Variants in PPP2R3A observed in about 807,000 individuals in gnomAD.
PPP2R3A encodes serine/threonine-protein phosphatase 2A regulatory subunit B'' subunit alpha.
In PPP2R3A, 80 loss-of-function variants were observed where a neutral mutation model predicts 106.9. The observed-to-expected ratio is 0.75, with a 90% CI of 0.62 to 0.90. The LOEUF (loss-of-function observed/expected upper bound fraction) is 0.90. Ranked by LOEUF, PPP2R3A falls within the 40% of genes least tolerant of loss-of-function variation. The pLI, the probability that PPP2R3A is intolerant of heterozygous loss-of-function variation, is 0.00. For synonymous variants in PPP2R3A, 483 were observed against 468.3 expected, an observed-to-expected ratio of 1.03 and a Z score of -0.41; for missense variants, 1,386 against 1,350.4, an observed-to-expected ratio of 1.03 and a Z score of -0.41.
rs945014879 is a variant in PPP2R3A at position 136,009,157 on chromosome 3, C to T, written c.1995+5664C>T. The stretch of plus-strand genomic sequence containing the variant: ...TTCCCTTCCTATTATAACTTAAACT[C>T]GTCTCTTCCTAAGGATACTGTAGCC... On this transcript the variant is annotated intron_variant, in intron 2 of 13. Transcript: ENST00000264977. 5.3e-5 allele frequency among the ~76,000 whole-genome samples: 8 copies of T among 152,116 alleles called. No homozygotes were observed. In the East Asian group the frequency reaches 5.8e-4, roughly 11 times the overall value.
intron 2 of PPP2R3A, among the ~76,000 whole-genome samples, chr3:136,007,214 A>G (rs1933878000): frequency 2.6e-5 from 4 of 152,264 alleles, no homozygotes; most frequent in Non-Finnish European, 5.9e-5. Flanking sequence ...CATCTGGGCT[A>G]CTAGCCTCTG....
At chr3:135,970,397 G>T (rs1158522606) in intron 1 of PPP2R3A, among the ~76,000 whole-genome samples, 1 of 152,124 alleles carries the variant, frequency 6.6e-6, no homozygotes, top group Non-Finnish European at 1.5e-5. Context: ...TATTTAACGG[G>T]CCATTTAAAG....
intron 4 of PPP2R3A, among the ~76,000 whole-genome samples, chr3:136,044,424 A>G (rs1935400258): frequency 6.6e-6 from 1 of 152,062 alleles, no homozygotes; most frequent in Middle Eastern, 3.2e-3. Context: ...AGTCTAGTGA[A>G]AGAGTTACAC....
chr3:136,128,737 A>G (rs1472437397), intron 13 of PPP2R3A, among the ~76,000 whole-genome samples: 1 of 152,166 alleles, frequency 6.6e-6, no homozygotes, highest in African/African-American at 2.4e-5. Context: ...ACCACATCAC[A>G]CTTATTCCAA....
chr3:135,969,377 C>G (rs1413040163), intron 1 of PPP2R3A, among the ~76,000 whole-genome samples: 1 of 152,098 alleles, frequency 6.6e-6, no homozygotes, highest in East Asian at 1.9e-4. Context: ...TGATATGGTA[C>G]AAGGGTTGAG....
intron 5 of PPP2R3A, among the ~76,000 whole-genome samples, chr3:136,064,451 C>G (rs1426529564): frequency 6.6e-6 from 1 of 151,774 alleles, no homozygotes; most frequent in African/African-American, 2.4e-5. Context: ...TGCATGGGTT[C>G]TATACTAATG....
chr3:135,995,660 A>T (rs1008190080), intron 1 of PPP2R3A, among the ~76,000 whole-genome samples: 2 of 151,764 alleles, frequency 1.3e-5, no homozygotes, highest in African/African-American at 4.8e-5. Flanking sequence ...TTTAGTAGAG[A>T]TGGGGTCTCA....
chr3:136,041,250 G>GTTTTTTTTTTTTTTTTTTTTTTTTTTTTT (rs1246326384), intron 4 of PPP2R3A, among the ~76,000 whole-genome samples: 3 of 56,566 alleles, frequency 5.3e-5, no homozygotes, highest in Non-Finnish European at 7.4e-5. Context: ...TTTTTTTTTT[G>GTTTTTTTTTTTTTTTTTTTTTTTTTTTTT]TTTTTTTTTT....
Position 136,118,452 on chromosome 3 carries a change from T to A in PPP2R3A, c.3329+12130T>A, listed in dbSNP as rs567097396. Among the ~76,000 whole-genome samples, 32 of 152,342 alleles carry A rather than the reference T, an allele frequency of 2.1e-4. No homozygotes were observed. The South Asian group carries it at 6.2e-3, about 30-fold the overall frequency. On this transcript the variant is annotated intron_variant, in intron 13 of 13. Transcript: ENST00000264977. ...AAGTCAAATTGTCCCTGTTTGCAGA[T>A]GACATGATTGTATATTTAGAAAACC...
intron 13 of PPP2R3A, among the ~76,000 whole-genome samples, chr3:136,116,522 C>T (rs1190044234): frequency 2.6e-5 from 4 of 152,118 alleles, no homozygotes; most frequent in African/African-American, 7.2e-5. Context: ...CACATATAGG[C>T]TCAAAAGTAA....
chr3:135,966,073 C>T (rs879405871), intron 1 of PPP2R3A, among the ~76,000 whole-genome samples: 80 of 152,066 alleles, frequency 5.3e-4, no homozygotes, highest in Non-Finnish European at 9.3e-4. Context: ...CTCGGCGCGG[C>T]CGGCCGGTCC....
chr3:136,024,563 G>C (rs1446503210), intron 2 of PPP2R3A, among the ~76,000 whole-genome samples: 2 of 152,130 alleles, frequency 1.3e-5, no homozygotes, highest in South Asian at 4.1e-4. Context: ...GGCAGCCAGT[G>C]TTCTGAATAT....
chr3:136,080,019 C>A (rs1936730022), intron 7 of PPP2R3A, among the ~76,000 whole-genome samples: 1 of 152,176 alleles, frequency 6.6e-6, no homozygotes, highest in African/African-American at 2.4e-5. Context: ...CATTTTACCC[C>A]CTTTCCCCAG....
intron 4 of PPP2R3A, among the ~76,000 whole-genome samples, chr3:136,043,197 C>T (rs371241271): frequency 1.4e-4 from 21 of 151,992 alleles, no homozygotes; most frequent in African/African-American, 4.1e-4. Context: ...TGGTGGCTCA[C>T]GCCTGTAATC....
intron 13 of PPP2R3A, among the ~76,000 whole-genome samples, chr3:136,132,053 T>C (rs1438283880): frequency 6.6e-6 from 1 of 151,898 alleles, no homozygotes; most frequent in Non-Finnish European, 1.5e-5. Context: ...TTGGGAGAGA[T>C]ACCTAATGTA....
At chr3:136,090,479 A>C (rs1937069029) in intron 9 of PPP2R3A, 99 bp from the exon 10 acceptor site, 1 of 968,198 alleles carries the variant, frequency 1.0e-6, no homozygotes, top group African/African-American at 1.7e-5. Context: ...TAATTTAAAA[A>C]ATTTTAACTG....
intron 5 of PPP2R3A, chr3:136,055,562 C>T: frequency 7.2e-7 from 1 of 1,384,364 alleles, no homozygotes; most frequent in Admixed American, 1.7e-5. Context: ...CTCAAATCTT[C>T]ACAGAGCGGG....
intron 1 of PPP2R3A, among the ~76,000 whole-genome samples, chr3:135,989,075 C>G (rs945399835): frequency 6.6e-6 from 1 of 152,062 alleles, no homozygotes; most frequent in African/African-American, 2.4e-5. Flanking sequence ...CACTTTTTAG[C>G]TGTGGAAATG....
chr3:135,977,755 A>C (rs999406532), intron 1 of PPP2R3A, among the ~76,000 whole-genome samples: 1 of 126,608 alleles, frequency 7.9e-6, no homozygotes, highest in South Asian at 2.5e-4. Context: ...GCTGGAGTAC[A>C]GTGGTGCAAT....
Sources: gnomAD v4.1 joint callset for allele counts (sites outside exome capture counted in the v4.1 genomes callset) on GRCh38, gnomAD v4.1.1 for gene constraint, MANE v1.5 for transcripts, NCBI Gene and HGNC (gene_info 2026-07-23, HGNC 2026-07-21) for gene names.